IDE: variants seen among roughly 807,000 people sequenced by gnomAD.
IDE encodes insulin-degrading enzyme.
Under a neutral mutation model 133.2 loss-of-function variants are expected in IDE, and 58 were observed. The observed-to-expected ratio is 0.44, with a 90% CI of 0.35 to 0.54. The LOEUF (loss-of-function observed/expected upper bound fraction) is 0.54. IDE is among the 20% of genes least tolerant of loss of function. The pLI is 0.00. For missense variants in IDE, 981 were observed against 1,234.0 expected, an observed-to-expected ratio of 0.79 and a Z score of 3.07; for synonymous variants, 396 against 421.3, an observed-to-expected ratio of 0.94 and a Z score of 0.73.
intron 1 of IDE, among the ~76,000 whole-genome samples, chr10:92,568,797 C>T (rs565011037): frequency 9.9e-5 from 15 of 151,232 alleles, no homozygotes; most frequent in Admixed American, 3.3e-4. Flanking sequence ...GCCTGGGCAA[C>T]AAGGGCAGAC....
At chr10:92,534,129 A>G (rs1018760573) in intron 3 of IDE, among the ~76,000 whole-genome samples, 3 of 152,230 alleles carry the variant, frequency 2.0e-5, no homozygotes, top group Non-Finnish European at 4.4e-5. Flanking sequence ...AATCGGCCTA[A>G]TGGAGCTTGC....
At position 92,534,664 on chromosome 10, in the gene IDE, T is replaced by C. The variant is rs1284353541; in HGVS notation, c.405A>G (p.Ala135=). The part of the protein sequence containing the change: ...NEYSQFLSEH[A]GSSNAFTSGE... ...CACTAGTAAAGGCATTTGAACTTCC[T>C]GCATGCTCACTGAGAAACTGGCTGT... Residue 135 remains alanine (A), a synonymous_variant, in exon 3 of 25, where the codon GCA becomes GCG. Coordinates refer to ENST00000265986, the MANE Select transcript of IDE (RefSeq NM_004969.4). 2 of 1,613,822 alleles carry C rather than the reference T, an allele frequency of 1.2e-6. No individual in the cohort carries two copies. The highest frequency in any genetic ancestry group is 1.1e-5 in the South Asian group (1 of 91,078).
rs1844878858 is a variant in IDE, at chr10:92,454,331, G to T, written c.*113C>A. On this transcript the variant is annotated 3_prime_UTR_variant, in exon 25 of 25. Transcript: ENST00000265986. Reference sequence around the variant, plus strand: ...ACATAATGACATTTGACAATTTTTTGTTTGTTTCTCTAATAGTGAATCAGA... The same window carrying T: ...ACATAATGACATTTGACAATTTTTTTTTTGTTTCTCTAATAGTGAATCAGA... 1.9e-5 allele frequency: 13 copies of T among 672,750 alleles called. No individual in the cohort carries two copies. The highest frequency in any genetic ancestry group is 6.9e-5 in the Admixed American group (3 of 43,312). The allele number at this position is 672,750 out of a possible 1,614,324, so 41.7% of individuals were successfully genotyped here. A position where few individuals can be genotyped will look rare whatever the true frequency, so the allele number is the denominator to read the frequency against.
intron 2 of IDE, among the ~76,000 whole-genome samples, chr10:92,535,993 G>A (rs184043085): frequency 1.2e-3 from 186 of 151,164 alleles, no homozygotes; most frequent in African/African-American, 4.1e-3. Context: ...CGGAGATTGC[G>A]CCACTGCACT....
chr10:92,562,346 C>T (rs1191349217), intron 1 of IDE, among the ~76,000 whole-genome samples: 3 of 152,106 alleles, frequency 2.0e-5, no homozygotes, highest in African/African-American at 4.8e-5. Flanking sequence ...TAGAAGGCAA[C>T]GTTCAGAAAC....
intron 16 of IDE, among the ~76,000 whole-genome samples, chr10:92,475,599 T>G (rs1846213572): frequency 6.6e-6 from 1 of 152,140 alleles, no homozygotes; most frequent in Admixed American, 6.5e-5. Context: ...AAGGAGGCCC[T>G]GACAGCCACT....
intron 21 of IDE, 109 bp from the exon 22 acceptor site, chr10:92,461,361 A>C: frequency 2.0e-6 from 1 of 508,256 alleles, no homozygotes; most frequent in Non-Finnish European, 3.5e-6. Flanking sequence ...GTATCCATAT[A>C]TATTTTTTTT....
chr10:92,547,924 T>C (rs995070981), intron 1 of IDE, among the ~76,000 whole-genome samples: 5 of 152,158 alleles, frequency 3.3e-5, no homozygotes, highest in African/African-American at 1.2e-4. Context: ...CTCATCTAGC[T>C]TGTTTTTTTA....
chr10:92,558,931 A>T (rs1474754320), intron 1 of IDE: 1 of 143,684 alleles, frequency 7.0e-6, no homozygotes, highest in African/African-American at 2.7e-5. Context: ...AACTTTAATA[A>T]AAAAAAAAAA....
At chr10:92,470,189 A>T (rs1029784277) in intron 18 of IDE, 65 bp downstream of exon 18, 3 of 1,074,362 alleles carry the variant, frequency 2.8e-6, no homozygotes, top group Non-Finnish European at 4.1e-6. Context: ...AATCTTGAGA[A>T]AGACTAGAGG....
At chr10:92,483,200 G>A (rs1361952164) in intron 14 of IDE, 55 bp downstream of exon 14, 3 of 878,550 alleles carry the variant, frequency 3.4e-6, no homozygotes, top group Non-Finnish European at 5.6e-6. Flanking sequence ...GACAACTCCT[G>A]GAAACGTAAT....
chr10:92,479,280 C>T lies in IDE; in HGVS notation c.1881G>A (p.Met627Ile), dbSNP rs752353774. The stretch of plus-strand genomic sequence containing the variant: ...GCTCTAAGGCGTGGGTACTTACATA[C>T]ATCCCATAGATGGTATTTTGGAGAT... ...SYDLQNTIYGMYLSVKGYNDK... is the reference protein window; with the variant it reads ...SYDLQNTIYGIYLSVKGYNDK... Residue 627 changes from methionine to isoleucine, a missense_variant, in exon 15 of 25, where the codon ATG (methionine) becomes ATA (isoleucine). By Grantham distance (10) the Met-to-Ile change is conservative. Coordinates refer to ENST00000265986, the MANE Select transcript of IDE (RefSeq NM_004969.4). The T allele has an allele frequency of 4.5e-5, 73 of 1,606,726 alleles. No individual in the cohort carries two copies. Among genetic ancestry groups the T allele is most frequent in the Non-Finnish European group, 5.9e-5 (69 of 1,174,036 alleles).
chr10:92,562,730 A>G (rs1237755447), intron 1 of IDE, among the ~76,000 whole-genome samples: 3 of 152,256 alleles, frequency 2.0e-5, no homozygotes. Flanking sequence ...AACAATGGGA[A>G]GGGAGAAACT....
intron 1 of IDE, among the ~76,000 whole-genome samples, chr10:92,555,513 AAG>A (rs1842965379): frequency 6.6e-6 from 1 of 151,892 alleles, no homozygotes; most frequent in African/African-American, 2.4e-5. Flanking sequence ...AAAAAAAAAA[AAG>A]AAAATCACAC....
rs139454255 is a variant in IDE, at chr10:92,531,894, G to T, written c.515C>A (p.Pro172His). The change falls in exon 4 of 25, where the codon CCC becomes CAC. Residue 172 changes from proline (P) to histidine (H), a missense_variant. Physicochemically the swap from Pro to His is moderately conservative, Grantham distance 77. Transcript: ENST00000265986. ...GTCTTTGCAACTTTCATCGAACAAG[G>T]GGCACAGAAAAAACTGTGCAAACCT... ...LDRFAQFFLC[P>H]LFDESCKDRE... 1.9e-6 allele frequency: 3 copies of T among 1,554,768 alleles called. No homozygotes were observed. Among genetic ancestry groups the T allele is most frequent in the Non-Finnish European group, 8.7e-7 (1 of 1,145,230 alleles).
intron 1 of IDE, among the ~76,000 whole-genome samples, chr10:92,572,465 T>TA (rs1843831320): frequency 6.6e-6 from 1 of 152,174 alleles, no homozygotes; most frequent in Admixed American, 6.6e-5. Context: ...ACCATCCTAA[T>TA]ACAGGCAGTA....
intron 11 of IDE, 126 bp downstream of exon 11, chr10:92,504,668 A>C: frequency 1.6e-6 from 1 of 628,278 alleles, no homozygotes; most frequent in Non-Finnish European, 2.9e-6. Context: ...TCATTATACT[A>C]TTCTCTACTT....
intron 1 of IDE, among the ~76,000 whole-genome samples, chr10:92,557,491 G>C (rs530551060): frequency 4.6e-5 from 7 of 151,632 alleles, no homozygotes; most frequent in Non-Finnish European, 7.4e-5. Flanking sequence ...AGCCAAGATA[G>C]TGCCACTGCA....
chr10:92,476,175 CTTTT>C (rs869242486), intron 15 of IDE, among the ~76,000 whole-genome samples, 181 bp from the exon 16 acceptor site: 27 of 142,862 alleles, frequency 1.9e-4, no homozygotes, highest in Non-Finnish European at 3.5e-4. Context: ...CATTAACCAT[CTTTT>C]TTTTTTTTTT....
Sources: allele counts gnomAD v4.1 joint callset (sites outside exome capture counted in the v4.1 genomes callset), GRCh38; gene constraint gnomAD v4.1.1; transcripts MANE v1.5; gene names NCBI Gene and HGNC (gene_info 2026-07-23, HGNC 2026-07-21).